The following PPP1R12B variants were observed in gnomAD, a reference collection of about 807,000 sequenced individuals.
PPP1R12B encodes myosin phosphatase target subunit 2.
A neutral mutation model predicts 126.1 loss-of-function variants in PPP1R12B; 76 were observed. The observed-to-expected ratio is 0.60, with a 90% confidence interval of 0.50 to 0.73. PPP1R12B has a LOEUF of 0.73. PPP1R12B is among the 30% of genes least tolerant of loss of function. The pLI is 0.00. For missense variants in PPP1R12B, 1,052 were observed against 1,205.1 expected (o/e 0.87, Z 1.88); for synonymous variants, 356 against 434.7 (o/e 0.82, Z 2.25).
intron 1 of PPP1R12B, among the ~76,000 whole-genome samples, chr1:202,406,953 T>C (rs1240209634): frequency 6.6e-6 from 1 of 152,186 alleles, no homozygotes; most frequent in Non-Finnish European, 1.5e-5. Context: ...TCCTCAAAAT[T>C]AGAATTATCA....
At chr1:202,424,263 C>T (rs1669200884) in intron 3 of PPP1R12B, among the ~76,000 whole-genome samples, 1 of 151,730 alleles carries the variant, frequency 6.6e-6, no homozygotes, top group African/African-American at 2.4e-5. Context: ...AATTGGTTAC[C>T]TCTTCACCCC....
rs1572113007 is a variant in PPP1R12B, at chr1:202,456,568, A to G, written c.1850+7397A>G. On this transcript the variant is annotated intron_variant, in intron 13 of 23. Coordinates refer to ENST00000608999, the MANE Select transcript of PPP1R12B (RefSeq NM_002481.4). ...GTGTAGAACGCATGGCTGTGGACCT[A>G]CTAAGGCTGCAAGTTGTAACTAAGA... 2.0e-5 allele frequency among the ~76,000 whole-genome samples: 3 copies of G among 151,976 alleles called. No homozygotes were observed. In the South Asian group the frequency reaches 6.2e-4, roughly 32 times the overall value.
intron 18 of PPP1R12B, among the ~76,000 whole-genome samples, chr1:202,543,935 T>C (rs901849754): frequency 1.5e-4 from 23 of 152,350 alleles, no homozygotes; most frequent in African/African-American, 5.5e-4. Flanking sequence ...GGCTTTCATA[T>C]GAAGTTTCCA....
intron 1 of PPP1R12B, among the ~76,000 whole-genome samples, chr1:202,372,827 T>A (rs1005704066): frequency 3.3e-5 from 5 of 152,128 alleles, no homozygotes; most frequent in African/African-American, 1.2e-4. Flanking sequence ...AAGCAGTTTT[T>A]AAAAAGTAGT....
At chr1:202,535,045 G>A (rs1684393076) in intron 18 of PPP1R12B, among the ~76,000 whole-genome samples, 1 of 151,338 alleles carries the variant, frequency 6.6e-6, no homozygotes, top group African/African-American at 2.4e-5. Context: ...ATGATTATGT[G>A]TGTGTGTGTA....
chr1:202,416,886 G>A lies in PPP1R12B; in HGVS notation c.391G>A (p.Ala131Thr). 1 of 1,614,024 alleles carries A rather than the reference G, an allele frequency of 6.2e-7. No individual in the cohort carries two copies. The highest frequency in any genetic ancestry group is 8.5e-7 in the Non-Finnish European group (1 of 1,179,902). ...DNEGWTPLHA[A>T]ASCGYLNIAE... ...CGAGGGCTGGACACCCCTTCATGCA[G>A]CAGCTTCCTGTGGCTATCTCAACAT... is the stretch of plus-strand genomic sequence containing the variant. Residue 131 changes from alanine (A) to threonine (T), a missense_variant, in exon 2 of 24, where the codon GCA becomes ACA. Ala to Thr is a moderately conservative substitution (Grantham distance 58, BLOSUM62 0). Transcript: ENST00000608999.
chr1:202,532,726 G>A (rs563129504), intron 18 of PPP1R12B, among the ~76,000 whole-genome samples: 2 of 151,692 alleles, frequency 1.3e-5, no homozygotes, highest in East Asian at 3.9e-4. Flanking sequence ...AAAAAAGAAA[G>A]TCACTTCCTT....
chr1:202,417,052 A>G (rs986306519), intron 2 of PPP1R12B, 135 bp downstream of exon 2: 9 of 1,162,506 alleles, frequency 7.7e-6, no homozygotes, highest in Admixed American at 7.1e-5. Flanking sequence ...CAGAAAGTTG[A>G]ATTATCTTTA....
At chr1:202,524,915 T>A (rs1402680995) in intron 18 of PPP1R12B, among the ~76,000 whole-genome samples, 1 of 152,158 alleles carries the variant, frequency 6.6e-6, no homozygotes, top group Admixed American at 6.6e-5. Flanking sequence ...TCTCACTCTG[T>A]CACCCAGGTT....
At chr1:202,407,219 G>A (rs2148584011) in intron 1 of PPP1R12B, among the ~76,000 whole-genome samples, 1 of 152,240 alleles carries the variant, frequency 6.6e-6, no homozygotes, top group Non-Finnish European at 1.5e-5. Context: ...GAAGATTGAG[G>A]GAAACATTAT....
intron 1 of PPP1R12B, among the ~76,000 whole-genome samples, chr1:202,396,965 A>T (rs999781553): frequency 2.0e-5 from 3 of 152,116 alleles, no homozygotes; most frequent in Non-Finnish European, 2.9e-5. Flanking sequence ...ATCTCACGCT[A>T]TCCAACCTTA....
chr1:202,443,280 A>G (rs1042489148), intron 12 of PPP1R12B, among the ~76,000 whole-genome samples: 1 of 152,232 alleles, frequency 6.6e-6, no homozygotes, highest in Non-Finnish European at 1.5e-5. Flanking sequence ...CTAATGTGGA[A>G]GAATCTGTTT....
At chr1:202,535,787 A>AT (rs1684470531) in intron 18 of PPP1R12B, among the ~76,000 whole-genome samples, 1 of 152,204 alleles carries the variant, frequency 6.6e-6, no homozygotes. Flanking sequence ...TTCAGTTCTT[A>AT]TTTTTACAGG....
intron 18 of PPP1R12B, among the ~76,000 whole-genome samples, chr1:202,512,627 G>T (rs1315189363): frequency 1.3e-5 from 2 of 152,140 alleles, no homozygotes; most frequent in Non-Finnish European, 2.9e-5. Context: ...CAGTAATAAT[G>T]TATATAAAGG....
intron 21 of PPP1R12B, among the ~76,000 whole-genome samples, chr1:202,564,849 C>G (rs558765617): frequency 5.4e-4 from 82 of 152,272 alleles, no homozygotes; most frequent in Non-Finnish European, 6.0e-4. Flanking sequence ...AAAGCTAGTC[C>G]TAGACAGTTC....
At chr1:202,471,949 C>T (rs1034829602) in intron 13 of PPP1R12B, 1 of 1,596,914 alleles carries the variant, frequency 6.3e-7, no homozygotes, top group Non-Finnish European at 8.5e-7. Context: ...GAGCAGCCAA[C>T]ACACAAAACT....
At chr1:202,570,432 T>C (rs1208379925) in intron 23 of PPP1R12B, among the ~76,000 whole-genome samples, 1 of 152,248 alleles carries the variant, frequency 6.6e-6, no homozygotes, top group Non-Finnish European at 1.5e-5. Flanking sequence ...TTGCATTTCC[T>C]ACCACTATCC....
At chr1:202,354,969 G>T (rs77924363) in intron 1 of PPP1R12B, among the ~76,000 whole-genome samples, 4 of 152,232 alleles carry the variant, frequency 2.6e-5, no homozygotes, top group African/African-American at 9.6e-5. Context: ...GGGACCGCAG[G>T]TGCCTGCCAC....
intron 18 of PPP1R12B, among the ~76,000 whole-genome samples, chr1:202,533,466 TTTTTG>T (rs546207929): frequency 2.0e-5 from 3 of 152,040 alleles, no homozygotes; most frequent in Admixed American, 6.6e-5. Context: ...ATTTTGGGTT[TTTTTG>T]TTTTGTTTTG....
Sources: gnomAD v4.1 joint callset for allele counts (sites outside exome capture counted in the v4.1 genomes callset) on GRCh38, gnomAD v4.1.1 for gene constraint, MANE v1.5 for transcripts, NCBI Gene and HGNC (gene_info 2026-07-23, HGNC 2026-07-21) for gene names.